COL5A1: variants seen among roughly 807,000 people sequenced by gnomAD.
COL5A1 encodes collagen alpha-1(V) chain.
COL5A1 carries 16 observed loss-of-function variants against 263.7 expected under a neutral mutation model. The ratio of observed to expected loss-of-function variants is 0.06; its 90% CI spans 0.04 to 0.09. COL5A1 has a LOEUF of 0.09. Among genes scored for constraint, COL5A1 ranks in the 10% least tolerant of loss-of-function variants. The probability of loss-of-function intolerance (pLI) is 1.00; values close to 1 mark genes in which losing one functional copy is unlikely to be tolerated. For missense variants in COL5A1, 2,036 were observed against 2,540.5 expected (o/e 0.80, Z 4.27); for synonymous variants, 1,012 against 1,004.5 (o/e 1.01, Z -0.14).
Position 134,741,118 on chromosome 9 carries a change from C to A in COL5A1, c.1494+2310C>A, listed in dbSNP as rs1427852957. 1.3e-5 allele frequency among the ~76,000 whole-genome samples: 2 copies of A among 152,194 alleles called. No homozygotes were observed. Among genetic ancestry groups the A allele is most frequent in the Non-Finnish European group, 2.9e-5 (2 of 68,030 alleles). The stretch of plus-strand genomic sequence containing the variant: ...CTTGATGTCCAGATCTTGCTCGATG[C>A]CCGCTAATCAGCTGTGAAAGATCAC... On this transcript the variant is annotated intron_variant, in intron 11 of 65. Transcript: ENST00000371817. This position sits in a 1 kb window ranked among gnomAD's most constrained non-coding sequence, Gnocchi z 4.5.
intron 4 of COL5A1, among the ~76,000 whole-genome samples, chr9:134,720,511 G>A (rs1405201420): frequency 6.6e-6 from 1 of 152,220 alleles, no homozygotes; most frequent in African/African-American, 2.4e-5. Context: ...GTATTTGAAA[G>A]ACAGTGTGCG....
At chr9:134,795,376 C>T (rs193057075) in intron 34 of COL5A1, 61 bp downstream of exon 34, 172 of 1,455,502 alleles carry the variant, frequency 1.2e-4, no homozygotes, top group Middle Eastern at 1.1e-3. Context: ...GCTACAGAGA[C>T]GTGGAGCGTC....
At chr9:134,822,901 G>C in intron 59 of COL5A1, 97 bp from the exon 60 acceptor site, 1 of 1,364,648 alleles carries the variant, frequency 7.3e-7, no homozygotes, top group Non-Finnish European at 1.0e-6. Flanking sequence ...GGGTGGGAGA[G>C]GGGCGAGGGG....
intron 44 of COL5A1, 165 bp downstream of exon 44, chr9:134,810,473 G>GCACA: frequency 1.6e-6 from 1 of 634,738 alleles, no homozygotes. Context: ...GTGTGTGTGT[G>GCACA]CACACGCGTG....
At chr9:134,695,362 C>A (rs1170539355) in intron 2 of COL5A1, among the ~76,000 whole-genome samples, 3 of 152,190 alleles carry the variant, frequency 2.0e-5, no homozygotes, top group Non-Finnish European at 4.4e-5. Context: ...CCCCTCGCTG[C>A]CCCCGCCAGT....
chr9:134,677,029 C>A lies in COL5A1; in HGVS notation c.110-13883C>A, dbSNP rs1471158202. On this transcript the variant is annotated intron_variant, in intron 1 of 65. Transcript: ENST00000371817. The surrounding 1 kb of genome is among the most constrained non-coding windows in gnomAD (Gnocchi z 4.4). ...GTCCCTTGGAGCACCTGCTGCCAGTCCTGGGCTTGGGGAGGCCATGGAGTG... is the reference window on the plus strand; with the variant it reads ...GTCCCTTGGAGCACCTGCTGCCAGTACTGGGCTTGGGGAGGCCATGGAGTG... Among the ~76,000 whole-genome samples the A allele has an allele frequency of 6.6e-6, 1 of 152,148 alleles. No individual in the cohort carries two copies. The highest frequency in any genetic ancestry group is 1.9e-4 in the East Asian group (1 of 5,188).
In COL5A1 at chr9:134,713,389, T is replaced by G. The variant is rs138554189; in HGVS notation, c.654+12056T>G. On this transcript the variant is annotated intron_variant, in intron 4 of 65. Transcript: ENST00000371817. Reference sequence around the variant, plus strand: ...GCAGCCACAGCAGGGCTGTGTGCGCTCCACAGAGAAGTGAGGGTCTTCCTG... The same window carrying G: ...GCAGCCACAGCAGGGCTGTGTGCGCGCCACAGAGAAGTGAGGGTCTTCCTG... 3.0e-3 allele frequency among the ~76,000 whole-genome samples: 452 copies of G among 152,310 alleles called. 1 individual carries two copies. Among genetic ancestry groups the G allele is most frequent in the African/African-American group, 0.01 (426 of 41,576 alleles).
intron 4 of COL5A1, among the ~76,000 whole-genome samples, chr9:134,724,374 C>T (rs1295049504): frequency 2.0e-5 from 3 of 152,238 alleles, no homozygotes; most frequent in African/African-American, 4.8e-5. Context: ...ACAGGCTCAT[C>T]CCAGGCCACA....
chr9:134,657,570 G>A (rs1374657397), intron 1 of COL5A1, among the ~76,000 whole-genome samples: 1 of 118,474 alleles, frequency 8.4e-6, no homozygotes, highest in Non-Finnish European at 1.7e-5. Flanking sequence ...GTGGTGTAGG[G>A]GGTGTAGTTT....
chr9:134,752,552 G>T, intron 13 of COL5A1, 37 bp from the exon 14 acceptor site: 4 of 1,567,554 alleles, frequency 2.6e-6, no homozygotes, highest in Non-Finnish European at 2.6e-6. Flanking sequence ...CACTGCTGCT[G>T]GGGCCCTGTC....
intron 60 of COL5A1, 60 bp downstream of exon 60, chr9:134,823,093 C>A: frequency 1.9e-6 from 3 of 1,587,252 alleles, no homozygotes; most frequent in Non-Finnish European, 2.6e-6. Context: ...GCGACGGGTC[C>A]CCTGGCACGG....
Position 134,777,378 on chromosome 9 carries a change from GC to G in COL5A1, c.2385+2468del, listed in dbSNP as rs1016421636. Among the ~76,000 whole-genome samples the G allele has an allele frequency of 5.9e-5, 9 of 152,196 alleles. No individual in the cohort carries two copies. The East Asian group carries it at 1.3e-3, about 23-fold the overall frequency. ...GGATGCCCCAATCCAGCCCTTCCCA[GC>G]CAGGGCCACTTCCTGCATGACTGGG... is the stretch of plus-strand genomic sequence containing the variant. On this transcript the variant is annotated intron_variant, in intron 27 of 65. Transcript: ENST00000371817.
chr9:134,797,724 C>T (rs535772247), intron 36 of COL5A1, among the ~76,000 whole-genome samples: 6 of 152,278 alleles, frequency 3.9e-5, no homozygotes, highest in African/African-American at 1.2e-4. Context: ...CTCAGGTGAT[C>T]CACCTGCCTC....
In COL5A1 at chr9:134,782,651, C is replaced by T. The variant is rs376120573; in HGVS notation, c.2431-16C>T. 3.7e-6 allele frequency: 6 copies of T among 1,613,758 alleles called. No homozygotes were observed. The highest frequency in any genetic ancestry group is 5.1e-6 in the Non-Finnish European group (6 of 1,179,788). ...CCTCTTGCCTAGACTAGGGCACTCT[C>T]TTGTCCCATATTCAGGGTGAAGACG... is the stretch of plus-strand genomic sequence containing the variant. On this transcript the variant is annotated splice_polypyrimidine_tract_variant and intron_variant, in intron 28 of 65. Transcript: ENST00000371817.
intron 4 of COL5A1, among the ~76,000 whole-genome samples, chr9:134,711,332 G>A (rs1000929900): frequency 6.6e-6 from 1 of 152,070 alleles, no homozygotes; most frequent in Non-Finnish European, 1.5e-5. Flanking sequence ...CGTATAGACC[G>A]TGCGCCTGGG....
intron 11 of COL5A1, among the ~76,000 whole-genome samples, chr9:134,744,290 C>G (rs1162653303): frequency 1.3e-5 from 2 of 152,152 alleles, no homozygotes; most frequent in African/African-American, 4.8e-5. Context: ...CGCTTGCACA[C>G]TCACCCACAC....
intron 1 of COL5A1, among the ~76,000 whole-genome samples, chr9:134,668,396 G>T (rs1046729810): frequency 5.3e-5 from 8 of 152,184 alleles, no homozygotes; most frequent in African/African-American, 1.9e-4. Context: ...ATGTGCAAAC[G>T]CCTGATCACT....
intron 9 of COL5A1, among the ~76,000 whole-genome samples, chr9:134,734,575 T>G (rs1024900346): frequency 6.6e-6 from 1 of 152,236 alleles, no homozygotes; most frequent in Admixed American, 6.5e-5. Flanking sequence ...CTGAGCTCCC[T>G]CTTGGGAGAT....
chr9:134,759,212 G>GCA (rs543344312), intron 18 of COL5A1, among the ~76,000 whole-genome samples: 3 of 146,340 alleles, frequency 2.1e-5, no homozygotes, highest in Admixed American at 2.0e-4. Context: ...CACCCCCCAT[G>GCA]CACACACACA....
Sources: allele counts gnomAD v4.1 joint callset (sites outside exome capture counted in the v4.1 genomes callset), GRCh38; gene constraint gnomAD v4.1.1; non-coding constraint Gnocchi (gnomAD v3.1); transcripts MANE v1.5; gene names NCBI Gene and HGNC (gene_info 2026-07-23, HGNC 2026-07-21).